The following PRKG1 variants were observed in gnomAD, a reference collection of about 807,000 sequenced individuals.
PRKG1 encodes the protein cGMP-dependent protein kinase 1.
In PRKG1, 35 loss-of-function variants were observed where a neutral mutation model predicts 88.1. The ratio of observed to expected loss-of-function variants is 0.40; its 90% CI spans 0.30 to 0.53. The LOEUF (loss-of-function observed/expected upper bound fraction) is 0.53. Ranked by LOEUF, PRKG1 falls within the 20% of genes least tolerant of loss-of-function variation. The pLI is 0.59. For synonymous variants in PRKG1, 303 were observed against 292.5 expected (o/e 1.04, Z -0.37); for missense variants, 540 against 839.8 (o/e 0.64, Z 4.41).
intron 4 of PRKG1, among the ~76,000 whole-genome samples, chr10:51,852,950 A>C (rs1044595738): frequency 7.2e-5 from 11 of 152,146 alleles, no homozygotes; most frequent in African/African-American, 2.7e-4. Flanking sequence ...ATTATTTTTA[A>C]ACTGTTAAGT....
At chr10:51,564,233 CA>C (rs370930269) in intron 3 of PRKG1, among the ~76,000 whole-genome samples, 1 of 128,124 alleles carries the variant, frequency 7.8e-6, no homozygotes, top group Non-Finnish European at 1.5e-5. Flanking sequence ...CAAAACAAAA[CA>C]AAAAAACCCT....
At chr10:52,083,988 A>G (rs1033061574) in intron 7 of PRKG1, among the ~76,000 whole-genome samples, 12 of 152,084 alleles carry the variant, frequency 7.9e-5, no homozygotes, top group African/African-American at 2.9e-4. Context: ...TCAAGTTTAC[A>G]TGAATACATA....
intron 4 of PRKG1, among the ~76,000 whole-genome samples, chr10:51,874,774 CACTT>C (rs1172937066): frequency 6.6e-6 from 1 of 151,966 alleles, no homozygotes; most frequent in East Asian, 1.9e-4. Context: ...AGACTTCTAT[CACTT>C]ACCAGCTGTT....
chr10:51,298,924 C>T (rs187550294), intron 2 of PRKG1, among the ~76,000 whole-genome samples: 1 of 152,254 alleles, frequency 6.6e-6, no homozygotes, highest in Non-Finnish European at 1.5e-5. Flanking sequence ...CATATGGTTG[C>T]ATAAATGTGT....
chr10:51,399,749 A>AT (rs371757725), intron 2 of PRKG1, among the ~76,000 whole-genome samples: 25 of 151,766 alleles, frequency 1.6e-4, no homozygotes, highest in Non-Finnish European at 2.7e-4. Context: ...GTCAATGCAG[A>AT]TTTTTTTTTG....
chr10:50,992,272 G>T (rs1315206986), intron 1 of PRKG1, among the ~76,000 whole-genome samples: 1 of 152,130 alleles, frequency 6.6e-6, no homozygotes, highest in Non-Finnish European at 1.5e-5. Flanking sequence ...GGAGGGGAGA[G>T]GTTTATTCAC....
intron 3 of PRKG1, among the ~76,000 whole-genome samples, chr10:51,751,307 G>A (rs534321624): frequency 6.6e-6 from 1 of 152,042 alleles, no homozygotes; most frequent in Non-Finnish European, 1.5e-5. Flanking sequence ...GTGCGATCTC[G>A]GCTCACTGCA....
Position 51,637,984 on chromosome 10 carries a change from G to T in PRKG1, c.593-166601G>T, listed in dbSNP as rs1461839264. ...TGGGCCCTTGGAAATATGAAATAAT[G>T]AAAGTAGCTAAGTGCAGTTGAGTGA... On this transcript the variant is annotated intron_variant, in intron 3 of 17. Transcript: ENST00000373980. Among the ~76,000 whole-genome samples, 3 of 152,106 alleles carry T rather than the reference G, an allele frequency of 2.0e-5. No homozygotes were observed. The East Asian group carries it at 5.8e-4, about 29-fold the overall frequency.
rs1237993081 is a variant in PRKG1, at chr10:51,737,723, T to G, written c.593-66862T>G. 2.6e-4 allele frequency among the ~76,000 whole-genome samples: 29 copies of G among 111,778 alleles called. No homozygotes were observed. The Admixed American group carries it at 2.7e-3, about 10-fold the overall frequency. 73.3% of individuals were successfully genotyped at this position (111,778 alleles called of 152,430 possible). A position where few individuals can be genotyped will look rare whatever the true frequency, so the allele number is the denominator to read the frequency against. On this transcript the variant is annotated intron_variant, in intron 3 of 17. Coordinates refer to ENST00000373980, the MANE Select transcript of PRKG1 (RefSeq NM_006258.4). Reference sequence around the variant, plus strand: ...TCTATATTTTTATTTATTTATTTATTTATTTATTTATTTATTAATTATTAT... The same window carrying G: ...TCTATATTTTTATTTATTTATTTATGTATTTATTTATTTATTAATTATTAT...
At chr10:51,479,098 C>G (rs1213408308) in intron 3 of PRKG1, among the ~76,000 whole-genome samples, 4 of 152,010 alleles carry the variant, frequency 2.6e-5, no homozygotes, top group African/African-American at 9.6e-5. Flanking sequence ...TTATCTGAAT[C>G]TCCTACCTGT....
At chr10:51,196,357 A>C (rs1414519560) in intron 2 of PRKG1, among the ~76,000 whole-genome samples, 1 of 152,214 alleles carries the variant, frequency 6.6e-6, no homozygotes, top group Non-Finnish European at 1.5e-5. Context: ...GCACATATAC[A>C]TTCAATTCTA....
chr10:51,784,223 T>C (rs761294957), intron 3 of PRKG1, among the ~76,000 whole-genome samples: 11 of 152,088 alleles, frequency 7.2e-5, no homozygotes, highest in Admixed American at 5.9e-4. Flanking sequence ...AAAGATTAAA[T>C]ACATGCTGTG....
chr10:51,757,661 A>T (rs1277910412), intron 3 of PRKG1, among the ~76,000 whole-genome samples: 1 of 152,238 alleles, frequency 6.6e-6, no homozygotes, highest in Non-Finnish European at 1.5e-5. Flanking sequence ...GAGATGTGTT[A>T]TAAGTATAAA....
intron 7 of PRKG1, among the ~76,000 whole-genome samples, chr10:52,113,651 T>C (rs190724017): frequency 1.1e-3 from 165 of 152,218 alleles, no homozygotes; most frequent in African/African-American, 3.7e-3. Flanking sequence ...CTGGTAGTAA[T>C]AGGAGATTTC....
chr10:51,738,371 A>T (rs1247445052), intron 3 of PRKG1, among the ~76,000 whole-genome samples: 1 of 152,208 alleles, frequency 6.6e-6, no homozygotes, highest in East Asian at 1.9e-4. Context: ...AGCAAGTCAC[A>T]TCACCTGAGT....
chr10:52,274,028 T>C lies in PRKG1; in HGVS notation c.1403+1547T>C, dbSNP rs114444656. ...ATTTATTTGAAGTCTTCTACTTTTT[T>C]TTCTAATTAGAATAGAAGAAGATTT... On this transcript the variant is annotated intron_variant, in intron 12 of 17. Transcript: ENST00000373980. Among the ~76,000 whole-genome samples the C allele has an allele frequency of 9.9e-3, 1,513 of 152,236 alleles. 27 individuals carry two copies. Among genetic ancestry groups the C allele is most frequent in the African/African-American group, 0.035 (1,447 of 41,560 alleles).
intron 3 of PRKG1, among the ~76,000 whole-genome samples, chr10:51,499,351 A>G (rs1840955642): frequency 6.6e-6 from 1 of 152,218 alleles, no homozygotes; most frequent in Non-Finnish European, 1.5e-5. Flanking sequence ...AAAGCCTTCC[A>G]GTAAAATAAC....
intron 1 of PRKG1, among the ~76,000 whole-genome samples, chr10:51,061,599 A>G (rs1175014407): frequency 1.3e-5 from 2 of 152,134 alleles, no homozygotes; most frequent in Non-Finnish European, 2.9e-5. Flanking sequence ...CGAGACTCCA[A>G]TTATATAGAG....
In PRKG1 at chr10:52,089,430, AT is replaced by A. The variant is rs1846995722; in HGVS notation, c.935+26802del. 5.3e-5 allele frequency among the ~76,000 whole-genome samples: 8 copies of A among 152,330 alleles called. 1 individual carries two copies. In the South Asian group the frequency reaches 1.7e-3, roughly 32 times the overall value. ...CTAAGTTAGTAGACTAGTTAGTATA[AT>A]TTGGTCATTAAGATGTATCAAGTTG... On this transcript the variant is annotated intron_variant, in intron 7 of 17. Coordinates refer to ENST00000373980, the MANE Select transcript of PRKG1 (RefSeq NM_006258.4).
Sources: gnomAD v4.1 joint callset for allele counts (sites outside exome capture counted in the v4.1 genomes callset) on GRCh38, gnomAD v4.1.1 for gene constraint, MANE v1.5 for transcripts, NCBI Gene and HGNC (gene_info 2026-07-23, HGNC 2026-07-21) for gene names.